The following RGS10 variants were observed in gnomAD, a reference collection of about 807,000 sequenced individuals.
RGS10 encodes regulator of G protein signaling 10, also known as regulator of G-protein signalling 10.
Under a neutral mutation model 23.5 loss-of-function variants are expected in RGS10, and 11 were observed. That is an observed-to-expected ratio of 0.47 (90% confidence interval 0.29 to 0.77). The LOEUF (loss-of-function observed/expected upper bound fraction) is 0.77. Among genes scored for constraint, RGS10 ranks in the 30% least tolerant of loss-of-function variants. The pLI is 0.08. For synonymous variants in RGS10, 77 were observed against 83.2 expected (o/e 0.92, Z 0.41); for missense variants, 180 against 226.3 (o/e 0.80, Z 1.31).
intron 4 of RGS10, among the ~76,000 whole-genome samples, chr10:119,515,202 T>C (rs1844127513): frequency 6.6e-6 from 1 of 152,112 alleles, no homozygotes; most frequent in Non-Finnish European, 1.5e-5. Context: ...TAGGTTGCTT[T>C]CTCAGTACAG....
Position 119,502,006 on chromosome 10 carries a change from C to T in RGS10, c.400-1747G>A, listed in dbSNP as rs534810213. Among the ~76,000 whole-genome samples the T allele has an allele frequency of 2.4e-4, 36 of 152,216 alleles. No individual in the cohort carries two copies. In the South Asian group the frequency reaches 7.1e-3, roughly 30 times the overall value. On this transcript the variant is annotated intron_variant, in intron 4 of 4. Coordinates refer to ENST00000369103, the MANE Select transcript of RGS10 (RefSeq NM_001005339.2). ...CCCCTGGTGCCCTTCTAGTCTTGCC[C>T]GAGTCCTCCAGCTGCTCAGCAAGAC... is the stretch of plus-strand genomic sequence containing the variant.
intron 4 of RGS10, among the ~76,000 whole-genome samples, chr10:119,510,737 G>A (rs1288038768): frequency 1.3e-5 from 2 of 152,094 alleles, no homozygotes; most frequent in African/African-American, 4.8e-5. Flanking sequence ...TTTGTTTTTT[G>A]AGATGGAGTC....
chr10:119,517,131 A>G lies in RGS10; in HGVS notation c.256-1479T>C, dbSNP rs1235479976. ...CTTCTGCCCTTAAGGAAACCACCAG[A>G]AGGTTTTGATAGCTGGGGCATGAAA... On this transcript the variant is annotated intron_variant, in intron 3 of 4. Transcript: ENST00000369103. This position sits in a 1 kb window ranked among gnomAD's most constrained non-coding sequence, Gnocchi z 5.0. Among the ~76,000 whole-genome samples, 1 of 152,138 alleles carries G rather than the reference A, an allele frequency of 6.6e-6. No homozygotes were observed. The highest frequency in any genetic ancestry group is 1.9e-4 in the East Asian group (1 of 5,188).
At chr10:119,536,119 C>T (rs1289104519) in intron 1 of RGS10, among the ~76,000 whole-genome samples, 1 of 152,164 alleles carries the variant, frequency 6.6e-6, no homozygotes, top group African/African-American at 2.4e-5. Context: ...ATAACTACCC[C>T]ACCTGCATGC....
intron 1 of RGS10, among the ~76,000 whole-genome samples, chr10:119,530,957 A>C (rs546348285): frequency 6.6e-6 from 1 of 152,354 alleles, no homozygotes; most frequent in East Asian, 1.9e-4. Flanking sequence ...AAACTCACTT[A>C]AACACATCAC....
At chr10:119,519,513 G>A (rs1361585191) in intron 3 of RGS10, among the ~76,000 whole-genome samples, 2 of 88,230 alleles carry the variant, frequency 2.3e-5, no homozygotes, top group African/African-American at 9.1e-5. Context: ...CTGTCTCCCT[G>A]TCTGTCCCCC....
rs181375778 is a variant in RGS10, at chr10:119,510,296, C to T, written c.399+5213G>A. Among the ~76,000 whole-genome samples the T allele has an allele frequency of 3.8e-3, 580 of 152,324 alleles. 5 individuals are homozygous for T. Among genetic ancestry groups the T allele is most frequent in the African/African-American group, 0.013 (526 of 41,574 alleles). The stretch of plus-strand genomic sequence containing the variant: ...CTCCCAACTGAACTTTCACCACCCC[C>T]TCATGTGCTACATTCCTACAATGCT... On this transcript the variant is annotated intron_variant, in intron 4 of 4. Coordinates refer to ENST00000369103, the MANE Select transcript of RGS10 (RefSeq NM_001005339.2).
rs781121660 is a variant in RGS10, at chr10:119,527,288, A to G, written c.168+18T>C. 1.5e-5 allele frequency: 24 copies of G among 1,577,926 alleles called. No homozygotes were observed. Among genetic ancestry groups the G allele is most frequent in the Non-Finnish European group, 2.0e-5 (23 of 1,147,614 alleles). On this transcript the variant is annotated intron_variant, in intron 2 of 4. Coordinates refer to ENST00000369103, the MANE Select transcript of RGS10 (RefSeq NM_001005339.2). The surrounding 1 kb of genome is among the most constrained non-coding windows in gnomAD (Gnocchi z 4.2). ...GCACACACTGCATCCATCCCGATTA[A>G]CAATGAAAAAGACAAACCCTAAATC... is the stretch of plus-strand genomic sequence containing the variant.
At chr10:119,507,395 T>C (rs79615245) in intron 4 of RGS10, among the ~76,000 whole-genome samples, 2,088 of 152,018 alleles carry the variant, frequency 0.014, 21 homozygotes, top group Non-Finnish European at 0.023. Context: ...GGACAGCCCC[T>C]CTCTCACCCT....
chr10:119,535,081 T>TC (rs750428363), intron 1 of RGS10, among the ~76,000 whole-genome samples: 9 of 151,950 alleles, frequency 5.9e-5, no homozygotes, highest in Non-Finnish European at 1.3e-4. Context: ...AAATGGGAAA[T>TC]CACGGCCCAA....
At chr10:119,537,698 G>C (rs1263847072) in intron 1 of RGS10, among the ~76,000 whole-genome samples, 1 of 152,182 alleles carries the variant, frequency 6.6e-6, no homozygotes, top group Non-Finnish European at 1.5e-5. Flanking sequence ...CCAGGTGGCC[G>C]CCTGCCCACA....
At chr10:119,534,768 T>C (rs987058267) in intron 1 of RGS10, among the ~76,000 whole-genome samples, 5 of 150,576 alleles carry the variant, frequency 3.3e-5, no homozygotes, top group African/African-American at 1.2e-4. Flanking sequence ...TGCACGCCTG[T>C]AGTTCCAGCT....
chr10:119,527,171 C>T lies in RGS10; in HGVS notation c.168+135G>A, dbSNP rs746283447. ...AGTCTCACCCTCAAGCTGGGATAGA[C>T]AGTACTGAACTCTCAAGCTGGCATA... On this transcript the variant is annotated intron_variant, in intron 2 of 4. Transcript: ENST00000369103. This position sits in a 1 kb window ranked among gnomAD's most constrained non-coding sequence, Gnocchi z 4.2. The T allele has an allele frequency of 2.3e-5, 14 of 620,872 alleles. No homozygotes were observed. Among genetic ancestry groups the T allele is most frequent in the Non-Finnish European group, 3.4e-5 (12 of 349,498 alleles). The allele number at this position is 620,872 out of a possible 1,614,324, so 38.5% of individuals were successfully genotyped here.
At chr10:119,542,123 G>A (rs1844439598) in intron 1 of RGS10, among the ~76,000 whole-genome samples, 4 of 152,196 alleles carry the variant, frequency 2.6e-5, no homozygotes, top group Admixed American at 2.0e-4. Flanking sequence ...CAGAAGCGAA[G>A]GCCCCCGACG....
Position 119,517,658 on chromosome 10 carries a change from C to T in RGS10, c.256-2006G>A, listed in dbSNP as rs1844162158. Among the ~76,000 whole-genome samples, 1 of 152,224 alleles carries T rather than the reference C, an allele frequency of 6.6e-6. No homozygotes were observed. The highest frequency in any genetic ancestry group is 1.5e-5 in the Non-Finnish European group (1 of 68,048). On this transcript the variant is annotated intron_variant, in intron 3 of 4. Coordinates refer to ENST00000369103, the MANE Select transcript of RGS10 (RefSeq NM_001005339.2). The surrounding 1 kb of genome is among the most constrained non-coding windows in gnomAD (Gnocchi z 5.0). ...ATCACTTTAGACCTCCCCTCCTCCC[C>T]TTGACATTCACACGCACACACACAC... is the stretch of plus-strand genomic sequence containing the variant.
chr10:119,504,323 G>A (rs1462481137), intron 4 of RGS10, among the ~76,000 whole-genome samples: 1 of 152,192 alleles, frequency 6.6e-6, no homozygotes, highest in African/African-American at 2.4e-5. Flanking sequence ...CTGAGTAGCT[G>A]TGATTACAGG....
At chr10:119,536,431 C>G in intron 1 of RGS10, 1 of 1,605,360 alleles carries the variant, frequency 6.2e-7, no homozygotes, top group Non-Finnish European at 8.5e-7. Flanking sequence ...AGGCAAACTG[C>G]GGACATGGAA....
intron 4 of RGS10, among the ~76,000 whole-genome samples, chr10:119,514,553 G>A (rs1171017384): frequency 6.6e-6 from 1 of 151,492 alleles, no homozygotes; most frequent in Non-Finnish European, 1.5e-5. Context: ...AGCTACTCAG[G>A]AGGCTGAGGC....
Position 119,501,071 on chromosome 10 carries a change from T to C in RGS10, c.400-812A>G, listed in dbSNP as rs1229336559. Among the ~76,000 whole-genome samples the C allele has an allele frequency of 2.0e-5, 3 of 152,152 alleles. No homozygotes were observed. The East Asian group carries it at 5.8e-4, about 29-fold the overall frequency. On this transcript the variant is annotated intron_variant, in intron 4 of 4. Transcript: ENST00000369103. ...AACCTCTTTTCTGGGCCACAGTCCT[T>C]GTGACCAGCATTCATTCTCCCCCAC...
Sources: allele counts gnomAD v4.1 joint callset (sites outside exome capture counted in the v4.1 genomes callset), GRCh38; gene constraint gnomAD v4.1.1; non-coding constraint Gnocchi (gnomAD v3.1); transcripts MANE v1.5; gene names NCBI Gene and HGNC (gene_info 2026-07-23, HGNC 2026-07-21).